USH2A: variants seen among roughly 807,000 people sequenced by gnomAD.
USH2A encodes the protein Usher syndrome 2A (autosomal recessive, mild).
USH2A carries 443 observed loss-of-function variants against 538.9 expected under a neutral mutation model. That is an observed-to-expected ratio of 0.82 (90% CI 0.76 to 0.89). The LOEUF (loss-of-function observed/expected upper bound fraction) is 0.89. Ranked by LOEUF, USH2A falls within the 40% of genes least tolerant of loss-of-function variation. USH2A has a pLI of 0.00. For synonymous variants in USH2A, 2,413 were observed against 2,273.5 expected (o/e 1.06, Z -1.75); for missense variants, 6,633 against 6,324.8 (o/e 1.05, Z -1.65).
chr1:215,734,896 G>T (rs1279616811), intron 60 of USH2A, among the ~76,000 whole-genome samples: 1 of 152,132 alleles, frequency 6.6e-6, no homozygotes, highest in African/African-American at 2.4e-5. Flanking sequence ...TCTCTAAGAA[G>T]TTCCAAATTT....
chr1:216,289,330 A>G lies in USH2A; in HGVS notation c.1921T>C (p.Cys641Arg), dbSNP rs1220292993. 6.2e-7 allele frequency: 1 copy of G among 1,613,896 alleles called. No homozygotes were observed. Among genetic ancestry groups the G allele is most frequent in the African/African-American group, 1.3e-5 (1 of 74,938 alleles). The part of the protein sequence containing the change: ...DPSAIDVCKP[C>R]DCDTVGTRNG... ...CTAGTGCCAACTGTATCACAGTCAC[A>G]GGGTTTGCAAACATCTATGGCCGAA... The change falls in exon 11 of 72, where the codon TGT (cysteine) becomes CGT (arginine). Residue 641 changes from cysteine to arginine, a missense_variant. Transcript: ENST00000307340.
At chr1:216,130,567 T>A (rs1468606521) in intron 21 of USH2A, among the ~76,000 whole-genome samples, 2 of 143,630 alleles carry the variant, frequency 1.4e-5, no homozygotes, top group African/African-American at 5.1e-5. Context: ...ATATTATATA[T>A]AATATATAAT....
intron 32 of USH2A, among the ~76,000 whole-genome samples, chr1:216,001,448 A>T (rs1480575546): frequency 6.6e-6 from 1 of 152,124 alleles, no homozygotes; most frequent in Non-Finnish European, 1.5e-5. Context: ...TAGATACCAC[A>T]TTCTCTTGTA....
At chr1:216,088,194 T>C (rs1293522287) in intron 23 of USH2A, among the ~76,000 whole-genome samples, 4 of 152,118 alleles carry the variant, frequency 2.6e-5, no homozygotes, top group African/African-American at 7.2e-5. Context: ...TTCCCCTTTG[T>C]CCCTTTAGGT....
intron 46 of USH2A, among the ~76,000 whole-genome samples, chr1:215,839,627 A>G (rs1160877180): frequency 1.3e-5 from 2 of 152,184 alleles, no homozygotes; most frequent in Non-Finnish European, 1.5e-5. Flanking sequence ...CCAGATGATT[A>G]TATATGTTTT....
intron 64 of USH2A, among the ~76,000 whole-genome samples, chr1:215,659,537 A>G (rs1411692268): frequency 2.0e-5 from 3 of 152,164 alleles, no homozygotes; most frequent in Non-Finnish European, 4.4e-5. Flanking sequence ...AACACCTTCT[A>G]TGTATTTATA....
chr1:215,899,543 T>C (rs552717043), intron 40 of USH2A, among the ~76,000 whole-genome samples: 2 of 152,320 alleles, frequency 1.3e-5, no homozygotes, highest in African/African-American at 4.8e-5. Context: ...ATTCTCTTTA[T>C]TGGTTGAATA....
intron 49 of USH2A, among the ~76,000 whole-genome samples, chr1:215,812,836 G>A (rs1662734207): frequency 6.6e-6 from 1 of 152,200 alleles, no homozygotes; most frequent in Non-Finnish European, 1.5e-5. Flanking sequence ...ATTGTCAAAA[G>A]AGGTTGATGC....
At chr1:216,324,877 C>A (rs2037697936) in intron 6 of USH2A, among the ~76,000 whole-genome samples, 1 of 152,020 alleles carries the variant, frequency 6.6e-6, no homozygotes, top group Non-Finnish European at 1.5e-5. Context: ...ATAGATATGT[C>A]CAAGTACTAC....
chr1:215,639,487 A>C (rs1656607633), intron 68 of USH2A, among the ~76,000 whole-genome samples: 1 of 152,254 alleles, frequency 6.6e-6, no homozygotes, highest in Non-Finnish European at 1.5e-5. Flanking sequence ...AGCAAAGGAA[A>C]AGAACATCAG....
chr1:216,274,156 C>T (rs1027431269), intron 11 of USH2A, among the ~76,000 whole-genome samples: 6 of 152,048 alleles, frequency 3.9e-5, no homozygotes, highest in African/African-American at 1.4e-4. Flanking sequence ...CTCAGTCTTA[C>T]TCTCTTTTTC....
At chr1:215,856,992 C>T (rs941466977) in intron 44 of USH2A, among the ~76,000 whole-genome samples, 4 of 152,066 alleles carry the variant, frequency 2.6e-5, no homozygotes, top group Non-Finnish European at 5.9e-5. Flanking sequence ...CATATGTTCT[C>T]ACTCATAAGT....
chr1:216,232,735 T>A (rs1299176996), intron 13 of USH2A, among the ~76,000 whole-genome samples: 2 of 152,166 alleles, frequency 1.3e-5, no homozygotes, highest in Non-Finnish European at 2.9e-5. Context: ...AACCTTCCAC[T>A]CTTCATCCCC....
intron 35 of USH2A, among the ~76,000 whole-genome samples, chr1:215,981,178 T>C (rs1011441610): frequency 2.6e-5 from 4 of 152,174 alleles, no homozygotes; most frequent in African/African-American, 9.6e-5. Flanking sequence ...TTTGGATTAT[T>C]ACAGAAGTTG....
At chr1:215,875,916 A>AATATATAT (rs1558139360) in intron 43 of USH2A, among the ~76,000 whole-genome samples, 3 of 145,314 alleles carry the variant, frequency 2.1e-5, no homozygotes, top group African/African-American at 7.5e-5. Context: ...ATAAATATAT[A>AATATATAT]ATATATATTG....
rs528302067 is a variant in USH2A at position 216,068,510 on chromosome 1, A to G, written c.6049+1591T>C. On this transcript the variant is annotated intron_variant, in intron 30 of 71. Transcript: ENST00000307340. ...GGTGTGGGGTGGGCAGGGCAGGAGAATGTGCATTAGTAATAAGTTCCCAAG... is the reference window on the plus strand; with the variant it reads ...GGTGTGGGGTGGGCAGGGCAGGAGAGTGTGCATTAGTAATAAGTTCCCAAG... Among the ~76,000 whole-genome samples, 5 of 152,250 alleles carry G rather than the reference A, an allele frequency of 3.3e-5. No homozygotes were observed. In the South Asian group the frequency reaches 1.0e-3, roughly 32 times the overall value.
chr1:215,883,947 C>G (rs769849013), intron 41 of USH2A, among the ~76,000 whole-genome samples: 13 of 152,148 alleles, frequency 8.5e-5, no homozygotes, highest in Admixed American at 3.3e-4. Flanking sequence ...TAAACTAACA[C>G]AGGAACAGAA....
intron 15 of USH2A, among the ~76,000 whole-genome samples, chr1:216,216,979 C>T (rs111522903): frequency 0.012 from 1,838 of 151,996 alleles, 29 homozygotes; most frequent in African/African-American, 0.042. Flanking sequence ...CAAGAATTCA[C>T]CCTTTATTTG....
intron 21 of USH2A, among the ~76,000 whole-genome samples, chr1:216,120,540 C>G (rs2033114250): frequency 6.6e-6 from 1 of 151,752 alleles, no homozygotes. Context: ...CCACAGCGCC[C>G]AGCTAATCTC....
Sources: allele counts gnomAD v4.1 joint callset (sites outside exome capture counted in the v4.1 genomes callset), GRCh38; gene constraint gnomAD v4.1.1; transcripts MANE v1.5; gene names NCBI Gene and HGNC (gene_info 2026-07-23, HGNC 2026-07-21).